Variants in PCDH19 observed in about 807,000 individuals in gnomAD.
PCDH19 encodes the protein protocadherin 19.
PCDH19 carries 6 observed loss-of-function variants against 46.2 expected under a neutral mutation model. The observed-to-expected ratio is 0.13, with a 90% CI of 0.07 to 0.26. PCDH19 has a LOEUF of 0.26. Among genes scored for constraint, PCDH19 ranks in the 10% least tolerant of loss-of-function variants. The pLI, the probability that PCDH19 is intolerant of heterozygous loss-of-function variation, is 1.00. For synonymous variants in PCDH19, 481 were observed against 415.7 expected (o/e 1.16, Z -1.91); for missense variants, 740 against 972.3 (o/e 0.76, Z 3.18).
intron 3 of PCDH19, among the ~76,000 whole-genome samples, chrX:100,363,459 T>C (rs1269527922): frequency 9.2e-6 from 1 of 108,545 alleles, no homozygotes; most frequent in African/African-American, 3.3e-5. Context: ...TTCTTCTGAA[T>C]ATTTATTTCT....
intron 5 of PCDH19, among the ~76,000 whole-genome samples, chrX:100,332,056 G>T (rs749017809): frequency 1.8e-5 from 2 of 111,887 alleles, no homozygotes; most frequent in African/African-American, 3.2e-5. Context: ...TTGATGCAAA[G>T]TATACAGGGC....
chrX:100,407,407 C>T lies in PCDH19; in HGVS notation c.1191G>A (p.Gln397=), dbSNP rs1189466297. ...GAATAGTGGAGAAGCTCTCATATTCCTGCAGTCGAAAGGGCACATTGCCCA... is the reference window on the plus strand; with the variant it reads ...GAATAGTGGAGAAGCTCTCATATTCTTGCAGTCGAAAGGGCACATTGCCCA... ...RLLGNVPFRL[Q]EYESFSTILV... The change falls in exon 1 of 6, where the codon CAG becomes CAA. Residue 397 remains glutamine (Q), a synonymous_variant. Transcript: ENST00000373034. 8.2e-7 allele frequency: 1 copy of T among 1,212,157 alleles called. No individual in the cohort carries two copies. Among genetic ancestry groups the T allele is most frequent in the Non-Finnish European group, 1.1e-6 (1 of 895,584 alleles).
At chrX:100,347,816 A>T (rs764204060) in intron 4 of PCDH19, among the ~76,000 whole-genome samples, 1 of 109,566 alleles carries the variant, frequency 9.1e-6, no homozygotes, top group Non-Finnish European at 1.9e-5. Context: ...TAATCTCAGC[A>T]CTTTGGGAGG....
chrX:100,381,127 G>A (rs1927541666), intron 3 of PCDH19, among the ~76,000 whole-genome samples: 1 of 112,087 alleles, frequency 8.9e-6, no homozygotes, highest in Non-Finnish European at 1.9e-5. Context: ...TACTCTGTGA[G>A]CAACGTAGAA....
chrX:100,381,553 TG>T (rs1163106769), intron 3 of PCDH19, among the ~76,000 whole-genome samples: 89 of 111,767 alleles, frequency 8.0e-4, no homozygotes, highest in African/African-American at 2.8e-3. Context: ...GCACATCCCA[TG>T]GAACATTTTA....
intron 3 of PCDH19, among the ~76,000 whole-genome samples, chrX:100,398,437 T>C (rs1928085208): frequency 2.7e-5 from 3 of 112,417 alleles, no homozygotes; most frequent in South Asian, 3.7e-4. Flanking sequence ...TGGACACTGA[T>C]ACAAGAGCTA....
At chrX:100,320,940 C>T (rs1327556791) in intron 5 of PCDH19, among the ~76,000 whole-genome samples, 1 of 106,436 alleles carries the variant, frequency 9.4e-6, no homozygotes, top group African/African-American at 3.4e-5. Context: ...GCCCCCCTTC[C>T]ACCCATCCCC....
chrX:100,311,573 A>G (rs186368460), intron 5 of PCDH19, among the ~76,000 whole-genome samples: 1 of 111,188 alleles, frequency 9.0e-6, no homozygotes, highest in African/African-American at 3.3e-5. Context: ...GACTACCAAT[A>G]TGTTCCTAGG....
At chrX:100,363,115 G>A (rs1926941950) in intron 3 of PCDH19, among the ~76,000 whole-genome samples, 1 of 110,802 alleles carries the variant, frequency 9.0e-6, no homozygotes, top group African/African-American at 3.3e-5. Flanking sequence ...AGACCAGCCT[G>A]CCCAACATAA....
intron 3 of PCDH19, among the ~76,000 whole-genome samples, chrX:100,397,648 C>T (rs1928063480): frequency 1.8e-5 from 2 of 111,786 alleles, no homozygotes; most frequent in South Asian, 7.5e-4. Context: ...GCCATTTCAC[C>T]CCTCCTGGAG....
At chrX:100,403,136 G>T (rs190569116) in intron 2 of PCDH19, among the ~76,000 whole-genome samples, 1 of 111,599 alleles carries the variant, frequency 9.0e-6, no homozygotes, top group East Asian at 2.8e-4. Flanking sequence ...GAGCACGGGT[G>T]GGGGGACAGG....
Position 100,296,474 on chromosome X carries a change from T to C in PCDH19, c.3250A>G (p.Thr1084Ala). 2.5e-6 allele frequency: 3 copies of C among 1,211,031 alleles called. No homozygotes were observed. Among genetic ancestry groups the C allele is most frequent in the South Asian group, 3.5e-5 (2 of 56,920 alleles). ...SLPTKPSVSY[T>A]IALAPPARDL... ...CGGGCTGGGGGAGCCAGGGCAATGG[T>C]GTAAGACACGGAAGGCTTGGTGGGC... The change falls in exon 6 of 6, where the codon ACC (threonine) becomes GCC (alanine). Residue 1084 changes from threonine (T) to alanine (A), a missense_variant. Transcript: ENST00000373034.
chrX:100,354,139 T>C (rs750224465), intron 3 of PCDH19, among the ~76,000 whole-genome samples: 6 of 112,082 alleles, frequency 5.4e-5, no homozygotes, highest in South Asian at 7.5e-4. Context: ...GGTCTATGTA[T>C]ACTGACATCA....
intron 3 of PCDH19, among the ~76,000 whole-genome samples, chrX:100,360,631 TAA>T (rs1424421855): frequency 8.9e-6 from 1 of 112,275 alleles, no homozygotes; most frequent in East Asian, 2.8e-4. Context: ...TGAGGCACAA[TAA>T]ACATTTCTCA....
At chrX:100,364,151 G>A (rs1927004869) in intron 3 of PCDH19, among the ~76,000 whole-genome samples, 1 of 109,943 alleles carries the variant, frequency 9.1e-6, no homozygotes, top group South Asian at 3.9e-4. Context: ...GCATAATTCA[G>A]AGTTGTCGGC....
Position 100,348,984 on chromosome X carries a change from A to G in PCDH19, c.2675+1662T>C, listed in dbSNP as rs113940260. Among the ~76,000 whole-genome samples the G allele has an allele frequency of 3.6e-3, 395 of 109,136 alleles. 2 individuals carry two copies. Among genetic ancestry groups the G allele is most frequent in the African/African-American group, 0.013 (381 of 29,866 alleles). The allele number at this position is 109,136 out of a possible 115,157, so 94.8% of individuals were successfully genotyped here. On this transcript the variant is annotated intron_variant, in intron 4 of 5. Coordinates refer to ENST00000373034, the MANE Select transcript of PCDH19 (RefSeq NM_001184880.2). ...GGGGAGGGGTTGCACTATTTTGCCCAGGCTGGTCTCCAACTCCTGGCCTCA... is the reference window on the plus strand; with the variant it reads ...GGGGAGGGGTTGCACTATTTTGCCCGGGCTGGTCTCCAACTCCTGGCCTCA...
intron 5 of PCDH19, among the ~76,000 whole-genome samples, chrX:100,315,182 G>T (rs1925259485): frequency 8.9e-6 from 1 of 112,090 alleles, no homozygotes; most frequent in African/African-American, 3.2e-5. Context: ...CCTTAGTAGG[G>T]TATGTTATCA....
rs1186371853 is a variant in PCDH19, at chrX:100,377,322, T to C, written c.2616+25202A>G. 1.8e-5 allele frequency among the ~76,000 whole-genome samples: 2 copies of C among 111,698 alleles called. 1 individual carries two copies. Among genetic ancestry groups the C allele is most frequent in the Admixed American group, 1.9e-4 (2 of 10,510 alleles). ...GAACAGAATGGTGGCAATAATGGCA[T>C]TATGATGAACATGTTGCCTTCTAAG... On this transcript the variant is annotated intron_variant, in intron 3 of 5. Transcript: ENST00000373034.
chrX:100,363,103 T>C (rs1030889640), intron 3 of PCDH19, among the ~76,000 whole-genome samples: 1 of 110,745 alleles, frequency 9.0e-6, no homozygotes, highest in Non-Finnish European at 1.9e-5. Flanking sequence ...GTCAGGAGTT[T>C]GAGACCAGCC....
Sources: allele counts gnomAD v4.1 joint callset (sites outside exome capture counted in the v4.1 genomes callset), GRCh38; gene constraint gnomAD v4.1.1; transcripts MANE v1.5; gene names NCBI Gene and HGNC (gene_info 2026-07-23, HGNC 2026-07-21).